Variants in DCC observed in about 807,000 individuals in gnomAD.
The protein encoded by DCC is DCC netrin 1 receptor.
A neutral mutation model predicts 172.5 loss-of-function variants in DCC; 58 were observed. The observed-to-expected ratio is 0.34, with a 90% CI of 0.27 to 0.42. The LOEUF (loss-of-function observed/expected upper bound fraction) is 0.42. DCC is among the 10% of genes least tolerant of loss of function. The pLI is 1.00. For synonymous variants in DCC, 709 were observed against 644.5 expected (o/e 1.10, Z -1.52); for missense variants, 1,740 against 1,791.0 (o/e 0.97, Z 0.51).
chr18:52,887,502 T>C (rs1329151666), intron 2 of DCC, among the ~76,000 whole-genome samples: 1 of 152,214 alleles, frequency 6.6e-6, no homozygotes, highest in Admixed American at 6.6e-5. Flanking sequence ...TTAAGGATAC[T>C]AATCTTAAAC....
At chr18:52,517,015 T>C (rs1414552544) in intron 1 of DCC, among the ~76,000 whole-genome samples, 2 of 152,172 alleles carry the variant, frequency 1.3e-5, no homozygotes, top group Non-Finnish European at 2.9e-5. Context: ...TACCAGATAC[T>C]GCAGCATGCT....
chr18:53,102,272 T>G (rs2043184332), intron 7 of DCC, among the ~76,000 whole-genome samples: 1 of 152,152 alleles, frequency 6.6e-6, no homozygotes, highest in Non-Finnish European at 1.5e-5. Flanking sequence ...CTACTTCATT[T>G]TGTTAAAGAT....
intron 2 of DCC, among the ~76,000 whole-genome samples, chr18:52,781,581 T>C (rs1380928231): frequency 2.0e-5 from 3 of 152,194 alleles, no homozygotes; most frequent in Middle Eastern, 6.8e-3. Context: ...TTAATATATA[T>C]AGTATTAATA....
At chr18:53,510,908 T>G (rs56042145) in intron 27 of DCC, among the ~76,000 whole-genome samples, 18,345 of 152,156 alleles carry the variant, frequency 0.12, 3,193 homozygotes, top group African/African-American at 0.39. Flanking sequence ...GTCTGGCCTG[T>G]TCTGTTTCAC....
intron 9 of DCC, among the ~76,000 whole-genome samples, chr18:53,190,238 T>G (rs1000335517): frequency 1.3e-5 from 2 of 152,144 alleles, no homozygotes; most frequent in African/African-American, 4.8e-5. Context: ...GACTCTGATT[T>G]TTAACACCTG....
At chr18:53,110,893 T>G (rs1193556699) in intron 7 of DCC, among the ~76,000 whole-genome samples, 1 of 123,752 alleles carries the variant, frequency 8.1e-6, no homozygotes, top group Non-Finnish European at 1.7e-5. Context: ...GCCATCCCAT[T>G]ACTGGGTATA....
chr18:52,569,104 C>T (rs1266226178), intron 1 of DCC, among the ~76,000 whole-genome samples: 2 of 152,124 alleles, frequency 1.3e-5, no homozygotes, highest in East Asian at 1.9e-4. Flanking sequence ...CAAGATAGAT[C>T]ATAACAGGAT....
intron 1 of DCC, among the ~76,000 whole-genome samples, chr18:52,674,273 T>C (rs1006429999): frequency 2.0e-5 from 3 of 152,136 alleles, no homozygotes; most frequent in African/African-American, 7.2e-5. Context: ...GTATAGCTGA[T>C]GGTATAGATT....
chr18:52,670,841 A>G (rs1599005543), intron 1 of DCC, among the ~76,000 whole-genome samples: 1 of 150,780 alleles, frequency 6.6e-6, no homozygotes, highest in African/African-American at 2.4e-5. Context: ...ACTCCATCTC[A>G]AAAAGAAAAA....
At chr18:52,963,011 C>T (rs1006546534) in intron 5 of DCC, among the ~76,000 whole-genome samples, 13 of 151,108 alleles carry the variant, frequency 8.6e-5, no homozygotes, top group Admixed American at 5.9e-4. Flanking sequence ...TGCTAAATGA[C>T]GAGTTGATGG....
chr18:52,464,934 G>T (rs1410347596), intron 1 of DCC, among the ~76,000 whole-genome samples: 1 of 152,024 alleles, frequency 6.6e-6, no homozygotes, highest in Non-Finnish European at 1.5e-5. Flanking sequence ...AATCAGTTTA[G>T]GTAGATATAT....
intron 7 of DCC, among the ~76,000 whole-genome samples, chr18:53,124,584 T>A (rs2043528463): frequency 6.6e-6 from 1 of 152,068 alleles, no homozygotes; most frequent in South Asian, 2.1e-4. Context: ...ATTTGTTCAG[T>A]GAGACAACAT....
chr18:53,443,859 G>A (rs993365484), intron 22 of DCC, among the ~76,000 whole-genome samples: 6 of 152,330 alleles, frequency 3.9e-5, no homozygotes, highest in African/African-American at 7.2e-5. Flanking sequence ...AAGTGTGATC[G>A]AAATCCCAGT....
chr18:52,558,088 C>T (rs2032956138), intron 1 of DCC, among the ~76,000 whole-genome samples: 1 of 152,034 alleles, frequency 6.6e-6, no homozygotes, highest in Non-Finnish European at 1.5e-5. Context: ...TATGTTAATA[C>T]AAACTTTTAA....
intron 7 of DCC, among the ~76,000 whole-genome samples, chr18:53,126,153 T>A (rs2043552756): frequency 6.6e-6 from 1 of 152,084 alleles, no homozygotes; most frequent in African/African-American, 2.4e-5. Flanking sequence ...ATGGGTGAGT[T>A]CAAAAAACCA....
At chr18:53,016,426 A>C (rs551360784) in intron 5 of DCC, among the ~76,000 whole-genome samples, 1 of 152,220 alleles carries the variant, frequency 6.6e-6, no homozygotes, top group African/African-American at 2.4e-5. Context: ...ATGCATTTGC[A>C]AATTTTTGCC....
At chr18:53,480,365 T>G (rs2145206914) in intron 25 of DCC, among the ~76,000 whole-genome samples, 1 of 152,294 alleles carries the variant, frequency 6.6e-6, no homozygotes, top group African/African-American at 2.4e-5. Flanking sequence ...CAGATAGACT[T>G]CAATAAATGC....
intron 27 of DCC, among the ~76,000 whole-genome samples, chr18:53,518,270 G>A (rs2144580700): frequency 6.6e-6 from 1 of 152,180 alleles, no homozygotes; most frequent in Middle Eastern, 3.4e-3. Flanking sequence ...GTAAAGGAAT[G>A]GAAAATGAAG....
chr18:52,553,633 A>G (rs2032835941), intron 1 of DCC, among the ~76,000 whole-genome samples: 1 of 151,900 alleles, frequency 6.6e-6, no homozygotes, highest in African/African-American at 2.4e-5. Flanking sequence ...GTGAGTGCAC[A>G]CTCTGGGAAG....
Sources: gnomAD v4.1 joint callset for allele counts (sites outside exome capture counted in the v4.1 genomes callset) on GRCh38, gnomAD v4.1.1 for gene constraint, MANE v1.5 for transcripts, NCBI Gene and HGNC (gene_info 2026-07-23, HGNC 2026-07-21) for gene names.